SORCS1: variants seen among roughly 807,000 people sequenced by gnomAD.
SORCS1 encodes the protein sortilin related VPS10 domain containing receptor 1, also known as VPS10 domain-containing receptor SorCS1.
A neutral mutation model predicts 146.1 loss-of-function variants in SORCS1; 60 were observed. That is an observed-to-expected ratio of 0.41 (90% CI 0.33 to 0.51). SORCS1 has a LOEUF of 0.51. Among genes scored for constraint, SORCS1 ranks in the 20% least tolerant of loss-of-function variants. The pLI is 0.21. For synonymous variants in SORCS1, 637 were observed against 584.0 expected, an observed-to-expected ratio of 1.09 and a Z score of -1.31; for missense variants, 1,352 against 1,487.6, an observed-to-expected ratio of 0.91 and a Z score of 1.50.
At chr10:106,603,263 C>A (rs1846362997) in intron 23 of SORCS1, among the ~76,000 whole-genome samples, 1 of 152,166 alleles carries the variant, frequency 6.6e-6, no homozygotes, top group African/African-American at 2.4e-5. Context: ...ATCTAAGCAG[C>A]TGGCCTCAGG....
intron 2 of SORCS1, among the ~76,000 whole-genome samples, chr10:106,925,840 C>T (rs778951789): frequency 6.6e-6 from 1 of 152,116 alleles, no homozygotes; most frequent in Non-Finnish European, 1.5e-5. Flanking sequence ...AGAGATAAAG[C>T]TAATGATTTT....
intron 17 of SORCS1, among the ~76,000 whole-genome samples, chr10:106,662,736 T>C: frequency 6.6e-6 from 1 of 152,216 alleles, no homozygotes; most frequent in East Asian, 1.9e-4. Context: ...TCATTTCTTG[T>C]TCTTTTTGCA....
chr10:106,670,475 G>A (rs1399695217), intron 16 of SORCS1, among the ~76,000 whole-genome samples: 1 of 152,186 alleles, frequency 6.6e-6, no homozygotes, highest in Non-Finnish European at 1.5e-5. Flanking sequence ...TCTGAGTTCA[G>A]CAACATCTTC....
chr10:107,065,227 A>AT (rs1961629400), intron 1 of SORCS1, among the ~76,000 whole-genome samples: 2 of 152,060 alleles, frequency 1.3e-5, no homozygotes, highest in African/African-American at 4.8e-5. Flanking sequence ...TGTAACATGA[A>AT]TGAGCATTCA....
In SORCS1 at chr10:106,577,543, T is replaced by G. The variant is rs1180826288; in HGVS notation, c.3384A>C (p.Leu1128Phe). 1.1e-6 allele frequency: 1 copy of G among 951,468 alleles called. No individual in the cohort carries two copies. Among genetic ancestry groups the G allele is most frequent in the African/African-American group, 1.6e-5 (1 of 60,786 alleles). 58.9% of individuals were successfully genotyped at this position (951,468 alleles called of 1,614,324 possible). A position where few individuals can be genotyped will look rare whatever the true frequency, so the allele number is the denominator to read the frequency against. Reference protein sequence around the residue: ...VIYKFKRRVALPSPPSPSTQP... With the variant: ...VIYKFKRRVAFPSPPSPSTQP... ...GAGTAGAAGGGGAGGGAGGGGAGGGTAAAGCTACTCTCCTAAGAGAAAACG... is the reference window on the plus strand; with the variant it reads ...GAGTAGAAGGGGAGGGAGGGGAGGGGAAAGCTACTCTCCTAAGAGAAAACG... Residue 1128 changes from leucine to phenylalanine, a missense_variant, in exon 26 of 26, where the codon TTA (leucine) becomes TTC (phenylalanine). By Grantham distance (22) the Leu-to-Phe change is conservative (BLOSUM62 0). Around this residue, in one of 3 missense-constraint regions of SORCS1, gnomAD observed 214 missense variants for 204.8 expected, o/e 1.05. Coordinates refer to ENST00000263054, the MANE Select transcript of SORCS1 (RefSeq NM_052918.5).
intron 2 of SORCS1, among the ~76,000 whole-genome samples, chr10:106,891,518 G>A (rs868276792): frequency 2.3e-4 from 11 of 47,570 alleles, no homozygotes; most frequent in Non-Finnish European, 3.8e-4. Context: ...TTTTTTTTTT[G>A]AGAAAAGACC....
intron 1 of SORCS1, among the ~76,000 whole-genome samples, chr10:107,003,849 T>C (rs1182185437): frequency 2.0e-5 from 3 of 152,034 alleles, no homozygotes; most frequent in Non-Finnish European, 4.4e-5. Flanking sequence ...AAACTCATGA[T>C]TCAAAAGCAA....
intron 2 of SORCS1, among the ~76,000 whole-genome samples, chr10:106,918,976 A>G (rs1175348656): frequency 3.9e-5 from 6 of 152,204 alleles, no homozygotes; most frequent in African/African-American, 1.4e-4. Flanking sequence ...AGCTGGGACC[A>G]CAGGTGTGCA....
intron 1 of SORCS1, among the ~76,000 whole-genome samples, chr10:106,999,451 T>C (rs1417458600): frequency 6.6e-6 from 1 of 152,272 alleles, no homozygotes; most frequent in Non-Finnish European, 1.5e-5. Context: ...TGAAGATGCA[T>C]GGTTGCTATT....
intron 2 of SORCS1, among the ~76,000 whole-genome samples, chr10:106,918,457 C>T (rs1253092903): frequency 6.6e-6 from 1 of 152,178 alleles, no homozygotes; most frequent in African/African-American, 2.4e-5. Context: ...GCCACCGTGC[C>T]TGGCTAAAGA....
intron 5 of SORCS1, among the ~76,000 whole-genome samples, chr10:106,756,538 C>T (rs1183177807): frequency 2.0e-5 from 3 of 152,146 alleles, no homozygotes; most frequent in Non-Finnish European, 4.4e-5. Flanking sequence ...AAGAACAAGA[C>T]CACTGTTGCT....
intron 1 of SORCS1, among the ~76,000 whole-genome samples, chr10:106,970,605 G>A (rs1287927360): frequency 6.6e-6 from 1 of 151,898 alleles, no homozygotes; most frequent in African/African-American, 2.4e-5. Context: ...GCCTCCCAAG[G>A]TGCTGGGATT....
At chr10:106,590,742 C>A (rs1189436574) in intron 24 of SORCS1, among the ~76,000 whole-genome samples, 1 of 152,192 alleles carries the variant, frequency 6.6e-6, no homozygotes, top group Non-Finnish European at 1.5e-5. Context: ...GCAACCTCTG[C>A]CTTCTGGGTT....
intron 5 of SORCS1, 104 bp downstream of exon 5, chr10:106,761,483 AC>A: frequency 1.1e-6 from 1 of 937,344 alleles, no homozygotes; most frequent in South Asian, 1.4e-5. Flanking sequence ...ATAAGAACAG[AC>A]CTTATGTGAG....
In SORCS1 at chr10:107,038,437, GC is replaced by G. The variant is rs1284285674; in HGVS notation, c.559-81858del. On this transcript the variant is annotated intron_variant, in intron 1 of 25. Coordinates refer to ENST00000263054, the MANE Select transcript of SORCS1 (RefSeq NM_052918.5). The stretch of plus-strand genomic sequence containing the variant: ...GACAGCATTAGGAGATATACCTAAT[GC>G]TAAATGACGAGTTAATGGGTGCAGC... Among the ~76,000 whole-genome samples, 7 of 151,824 alleles carry G rather than the reference GC, an allele frequency of 4.6e-5. No homozygotes were observed. In the South Asian group the frequency reaches 1.0e-3, roughly 23 times the overall value.
intron 13 of SORCS1, among the ~76,000 whole-genome samples, chr10:106,677,031 T>C (rs958124730): frequency 2.0e-5 from 3 of 152,136 alleles, no homozygotes; most frequent in Admixed American, 6.5e-5. Context: ...ATTTCTTCCC[T>C]CTATATAAAC....
chr10:106,900,266 A>C (rs1951651189), intron 2 of SORCS1, among the ~76,000 whole-genome samples: 1 of 152,164 alleles, frequency 6.6e-6, no homozygotes, highest in East Asian at 1.9e-4. Context: ...TGTCTCAGCC[A>C]TTATATCCCC....
intron 2 of SORCS1, among the ~76,000 whole-genome samples, chr10:106,876,832 C>T (rs1419265314): frequency 6.6e-6 from 1 of 152,166 alleles, no homozygotes; most frequent in Non-Finnish European, 1.5e-5. Context: ...CACAATATAA[C>T]TTCTCGTGTC....
rs187138055 is a variant in SORCS1 at position 106,740,036 on chromosome 10, G to T, written c.960-9922C>A. On this transcript the variant is annotated intron_variant, in intron 5 of 25. Transcript: ENST00000263054. Reference sequence around the variant, plus strand: ...CCCATGGAAATGATATTCTATAAGAGAATTCCAGAACAGCTATCTCCACAT... The same window carrying T: ...CCCATGGAAATGATATTCTATAAGATAATTCCAGAACAGCTATCTCCACAT... 4.6e-5 allele frequency among the ~76,000 whole-genome samples: 7 copies of T among 151,882 alleles called. No homozygotes were observed. The East Asian group carries it at 1.4e-3, about 29-fold the overall frequency.
Sources: gnomAD v4.1 joint callset for allele counts (sites outside exome capture counted in the v4.1 genomes callset) on GRCh38, gnomAD v4.1.1 for gene constraint, gnomAD v4.1.1 regional missense constraint, MANE v1.5 for transcripts, NCBI Gene and HGNC (gene_info 2026-07-23, HGNC 2026-07-21) for gene names.